UBE2E2: variants seen among roughly 807,000 people sequenced by gnomAD.
The protein encoded by UBE2E2 is ubiquitin conjugating enzyme E2 E2.
In UBE2E2, 6 loss-of-function variants were observed where a neutral mutation model predicts 24.7. The ratio of observed to expected loss-of-function variants is 0.24; its 90% CI spans 0.13 to 0.48. The LOEUF (loss-of-function observed/expected upper bound fraction) is 0.48, where lower values mean the gene tolerates loss of function less well. Among genes scored for constraint, UBE2E2 ranks in the 20% least tolerant of loss-of-function variants. UBE2E2 has a pLI of 0.99. For synonymous variants in UBE2E2, 104 were observed against 83.6 expected, an observed-to-expected ratio of 1.24 and a Z score of -1.33; for missense variants, 169 against 245.0, an observed-to-expected ratio of 0.69 and a Z score of 2.07.
chr3:23,406,969 G>A (rs1697370048), intron 3 of UBE2E2, among the ~76,000 whole-genome samples: 1 of 152,186 alleles, frequency 6.6e-6, no homozygotes, highest in African/African-American at 2.4e-5. Context: ...AGGGGCTGGG[G>A]TGTGGAAGGG....
chr3:23,412,874 C>G (rs1316796941), intron 3 of UBE2E2, among the ~76,000 whole-genome samples: 2 of 152,146 alleles, frequency 1.3e-5, no homozygotes, highest in East Asian at 1.9e-4. Flanking sequence ...CCTGGTGAAT[C>G]TGATGCAGCT....
intron 3 of UBE2E2, among the ~76,000 whole-genome samples, chr3:23,336,589 A>G (rs1695218621): frequency 6.6e-6 from 1 of 152,236 alleles, no homozygotes; most frequent in Non-Finnish European, 1.5e-5. Flanking sequence ...AAGCCAACAT[A>G]AATGATCTTT....
In UBE2E2 at chr3:23,383,275, G is replaced by C. The variant is rs117723158; in HGVS notation, c.228-116333G>C. Among the ~76,000 whole-genome samples, 10 of 152,150 alleles carry C rather than the reference G, an allele frequency of 6.6e-5. No individual in the cohort carries two copies. The East Asian group carries it at 1.9e-3, about 29-fold the overall frequency. ...TCAGCTGTGGACATACTGGATTTAA[G>C]TTGTCTAAGACTGATGTAGAAATGT... On this transcript the variant is annotated intron_variant, in intron 3 of 5. Transcript: ENST00000396703.
intron 3 of UBE2E2, among the ~76,000 whole-genome samples, chr3:23,291,082 CA>C (rs1025201458): frequency 2.1e-5 from 3 of 140,028 alleles, no homozygotes; most frequent in Admixed American, 7.3e-5. Flanking sequence ...AAAAAAAAAA[CA>C]AAAAACGTGA....
At chr3:23,363,836 A>G (rs559486850) in intron 3 of UBE2E2, among the ~76,000 whole-genome samples, 62 of 152,082 alleles carry the variant, frequency 4.1e-4, no homozygotes, top group Middle Eastern at 6.8e-3. Flanking sequence ...AAACAACAAG[A>G]TATACATTCT....
At chr3:23,488,271 T>C (rs1699422258) in intron 3 of UBE2E2, among the ~76,000 whole-genome samples, 1 of 151,902 alleles carries the variant, frequency 6.6e-6, no homozygotes. Context: ...TTTTGTTACA[T>C]AGGTATACCA....
At chr3:23,464,409 AT>A (rs1395613719) in intron 3 of UBE2E2, among the ~76,000 whole-genome samples, 10 of 152,164 alleles carry the variant, frequency 6.6e-5, no homozygotes, top group African/African-American at 2.4e-4. Context: ...TCTGCATAAT[AT>A]CAACCATTGA....
At chr3:23,225,338 T>C (rs558545623) in intron 3 of UBE2E2, among the ~76,000 whole-genome samples, 1 of 152,296 alleles carries the variant, frequency 6.6e-6, no homozygotes, top group South Asian at 2.1e-4. Flanking sequence ...TTGTTGTTTG[T>C]GCATTTGGTG....
intron 4 of UBE2E2, among the ~76,000 whole-genome samples, chr3:23,500,472 T>C (rs764854770): frequency 6.6e-6 from 1 of 152,194 alleles, no homozygotes; most frequent in Non-Finnish European, 1.5e-5. Flanking sequence ...TATTTGACTG[T>C]TTTAAATATT....
intron 5 of UBE2E2, among the ~76,000 whole-genome samples, chr3:23,567,218 A>AT (rs1028996560): frequency 6.6e-6 from 1 of 152,148 alleles, no homozygotes; most frequent in Admixed American, 6.6e-5. Context: ...TTTGGTCATG[A>AT]TTTTTTATCC....
At chr3:23,386,404 G>T (rs1255403815) in intron 3 of UBE2E2, among the ~76,000 whole-genome samples, 1 of 152,120 alleles carries the variant, frequency 6.6e-6, no homozygotes, top group African/African-American at 2.4e-5. Context: ...AATCAGGTTG[G>T]GGGTTAAGAT....
intron 3 of UBE2E2, among the ~76,000 whole-genome samples, chr3:23,420,182 G>A (rs1006486801): frequency 6.6e-6 from 1 of 152,068 alleles, no homozygotes; most frequent in Non-Finnish European, 1.5e-5. Flanking sequence ...GCTCTTTGAC[G>A]GCAGTATCTA....
At chr3:23,300,530 C>G (rs2125261638) in intron 3 of UBE2E2, among the ~76,000 whole-genome samples, 1 of 152,236 alleles carries the variant, frequency 6.6e-6, no homozygotes. Flanking sequence ...TTTTATTTCT[C>G]CTTCACTTAT....
rs1255529143 is a variant in UBE2E2 at position 23,514,636 on chromosome 3, A to T, written c.360+14896A>T. On this transcript the variant is annotated intron_variant, in intron 4 of 5. Transcript: ENST00000396703. ...TTTTGAGATGGTGTGTCGGTGCCTG[A>T]CTGCATGAGAAATGACAAATGGAAG... is the stretch of plus-strand genomic sequence containing the variant. Among the ~76,000 whole-genome samples the T allele has an allele frequency of 3.3e-5, 5 of 151,966 alleles. 1 individual carries two copies. The highest frequency in any genetic ancestry group is 3.3e-4 in the Admixed American group (5 of 15,234).
Position 23,462,133 on chromosome 3 carries a change from G to A in UBE2E2, c.228-37475G>A, listed in dbSNP as rs77404267. 4.3e-3 allele frequency among the ~76,000 whole-genome samples: 650 copies of A among 152,178 alleles called. 1 individual carries two copies. The highest frequency in any genetic ancestry group is 7.2e-3 in the Non-Finnish European group (491 of 67,996). On this transcript the variant is annotated intron_variant, in intron 3 of 5. Transcript: ENST00000396703. ...ATATTTTCAAAAATGCCTCCCCAAT[G>A]CTGTCACTATTGTATAAATTTTAAC... is the stretch of plus-strand genomic sequence containing the variant.
chr3:23,546,343 TAAAC>T (rs1322445517), intron 5 of UBE2E2, among the ~76,000 whole-genome samples: 1 of 152,114 alleles, frequency 6.6e-6, no homozygotes, highest in Non-Finnish European at 1.5e-5. Flanking sequence ...ATATTTCACT[TAAAC>T]AAACATCATT....
chr3:23,264,370 G>GGA (rs1052656907), intron 3 of UBE2E2, among the ~76,000 whole-genome samples: 4 of 147,544 alleles, frequency 2.7e-5, no homozygotes, highest in Non-Finnish European at 6.0e-5. Flanking sequence ...AAAAGGAAAA[G>GGA]GAAAAAAAAA....
intron 3 of UBE2E2, among the ~76,000 whole-genome samples, chr3:23,392,115 A>G (rs1410880677): frequency 1.3e-5 from 2 of 152,196 alleles, no homozygotes; most frequent in Non-Finnish European, 1.5e-5. Flanking sequence ...CTACATAACA[A>G]GAGTGTATAG....
chr3:23,230,128 A>G (rs1280219051), intron 3 of UBE2E2, among the ~76,000 whole-genome samples: 1 of 152,208 alleles, frequency 6.6e-6, no homozygotes, highest in East Asian at 1.9e-4. Flanking sequence ...GGACTCTTAA[A>G]TATTGTGGGA....
Sources: gnomAD v4.1 joint callset for allele counts (sites outside exome capture counted in the v4.1 genomes callset) on GRCh38, gnomAD v4.1.1 for gene constraint, MANE v1.5 for transcripts, NCBI Gene and HGNC (gene_info 2026-07-23, HGNC 2026-07-21) for gene names.